The following SPMIP11 variants were observed in gnomAD, a reference collection of about 807,000 sequenced individuals.
The protein encoded by SPMIP11 is long intergenic non-protein coding RNA 935.
At chr12:48,738,582 T>C in the SPMIP11 span, among the ~76,000 whole-genome samples, 2 of 151,620 alleles carry the variant, frequency 1.3e-5, no homozygotes, top group South Asian at 2.1e-4. Flanking sequence ...TCCTCCAGGC[T>C]GGAGTCCAGT....
the SPMIP11 span, among the ~76,000 whole-genome samples, chr12:48,743,793 G>A: frequency 3.3e-5 from 5 of 151,998 alleles, no homozygotes; most frequent in Non-Finnish European, 4.4e-5. Flanking sequence ...TTAGCTGGGC[G>A]TGGTGGCAGG....
the SPMIP11 span, among the ~76,000 whole-genome samples, chr12:48,729,244 A>G: frequency 2.1e-3 from 325 of 152,116 alleles, 2 homozygotes; most frequent in African/African-American, 7.4e-3. Context: ...TACTAAAAAT[A>G]CAAAAAAAGA....
At chr12:48,771,109 T>A in the SPMIP11 span, 1 of 852,634 alleles carries the variant, frequency 1.2e-6, no homozygotes, top group Non-Finnish European at 1.8e-6. The surrounding 1 kb of genome is among the most constrained non-coding windows in gnomAD (Gnocchi z 4.3). Context: ...CTGCTATCAG[T>A]GTAAGACTGA....
At chr12:48,730,438 T>G in the SPMIP11 span, among the ~76,000 whole-genome samples, 1 of 152,180 alleles carries the variant, frequency 6.6e-6, no homozygotes, top group Non-Finnish European at 1.5e-5. Flanking sequence ...ACCCTCCAGT[T>G]ACTCTCGCAA....
the SPMIP11 span, among the ~76,000 whole-genome samples, chr12:48,761,275 C>T: frequency 1.3e-5 from 2 of 151,770 alleles, no homozygotes; most frequent in East Asian, 3.9e-4. Flanking sequence ...GGCGAAACCC[C>T]ATCTCAACTA....
chr12:48,771,028 C>G, the SPMIP11 span: 5 of 1,557,082 alleles, frequency 3.2e-6, no homozygotes, highest in Non-Finnish European at 4.4e-6. The surrounding 1 kb of genome is among the most constrained non-coding windows in gnomAD (Gnocchi z 4.3). Context: ...CAGCCCTGCC[C>G]CAACACTCAT....
the SPMIP11 span, among the ~76,000 whole-genome samples, chr12:48,751,393 C>T: frequency 2.6e-5 from 4 of 152,094 alleles, no homozygotes; most frequent in Non-Finnish European, 4.4e-5. Flanking sequence ...GCAAAAGGAT[C>T]ACTTGAGCCC....
At chr12:48,764,157 AT>A in the SPMIP11 span, among the ~76,000 whole-genome samples, 73 of 131,572 alleles carry the variant, frequency 5.5e-4, no homozygotes, top group Middle Eastern at 4.9e-3. Context: ...TAATTTTTGT[AT>A]TTTTTTTTTT....
the SPMIP11 span, among the ~76,000 whole-genome samples, chr12:48,728,371 G>C: frequency 6.6e-6 from 1 of 152,182 alleles, no homozygotes; most frequent in Admixed American, 6.5e-5. Flanking sequence ...CTTCACACAG[G>C]AAATGCTTCC....
At chr12:48,731,109 G>A in the SPMIP11 span, among the ~76,000 whole-genome samples, 3 of 152,236 alleles carry the variant, frequency 2.0e-5, no homozygotes, top group African/African-American at 7.2e-5. Context: ...CTGTAAGCAG[G>A]CCACTGTACA....
chr12:48,751,549 T>G, the SPMIP11 span, among the ~76,000 whole-genome samples: 1 of 152,124 alleles, frequency 6.6e-6, no homozygotes, highest in South Asian at 2.1e-4. Context: ...GAGACTGCAG[T>G]GAGCCATGAT....
At chr12:48,762,740 G>A in the SPMIP11 span, among the ~76,000 whole-genome samples, 1 of 152,168 alleles carries the variant, frequency 6.6e-6, no homozygotes, top group Admixed American at 6.5e-5. Context: ...CGGGGCAGTG[G>A]GGGAGGGTGG....
chr12:48,752,565 A>G, the SPMIP11 span, among the ~76,000 whole-genome samples: 18 of 152,068 alleles, frequency 1.2e-4, no homozygotes, highest in South Asian at 2.3e-3. Context: ...TGAGTGCCCA[A>G]GCTTTCCCTT....
chr12:48,752,347 C>T, the SPMIP11 span, among the ~76,000 whole-genome samples: 1 of 152,150 alleles, frequency 6.6e-6, no homozygotes, highest in Non-Finnish European at 1.5e-5. Flanking sequence ...CGCTGGCTGG[C>T]TTCAAAGGAT....
At chr12:48,740,088 T>C in the SPMIP11 span, among the ~76,000 whole-genome samples, 1 of 152,206 alleles carries the variant, frequency 6.6e-6, no homozygotes, top group Non-Finnish European at 1.5e-5. Flanking sequence ...GTGATGATGA[T>C]GATGATGATG....
At chr12:48,759,844 T>C in the SPMIP11 span, among the ~76,000 whole-genome samples, 2 of 152,276 alleles carry the variant, frequency 1.3e-5, no homozygotes, top group African/African-American at 4.8e-5. Flanking sequence ...TCTTGCTCTG[T>C]CACCCAGCCT....
chr12:48,753,159 T>A, the SPMIP11 span, among the ~76,000 whole-genome samples: 2 of 152,216 alleles, frequency 1.3e-5, no homozygotes, highest in Non-Finnish European at 2.9e-5. Flanking sequence ...CACTGTTCAT[T>A]GACCGGAGTC....
chr12:48,735,703 G>A, the SPMIP11 span, among the ~76,000 whole-genome samples: 225 of 152,190 alleles, frequency 1.5e-3, 1 homozygote, highest in African/African-American at 5.2e-3. Context: ...GATCAACATG[G>A]CTAAATCCCG....
the SPMIP11 span, among the ~76,000 whole-genome samples, chr12:48,732,463 A>T: frequency 1.3e-5 from 2 of 151,996 alleles, no homozygotes; most frequent in Non-Finnish European, 2.9e-5. Context: ...GGATCAATTA[A>T]CAAATACTAT....
Sources: allele counts gnomAD v4.1 joint callset (sites outside exome capture counted in the v4.1 genomes callset), GRCh38; gene constraint gnomAD v4.1.1; non-coding constraint Gnocchi (gnomAD v3.1); transcripts MANE v1.5; gene names NCBI Gene and HGNC (gene_info 2026-07-23, HGNC 2026-07-21).